Variants in TRDN observed in about 807,000 individuals in gnomAD.
The protein encoded by TRDN is triadin.
A neutral mutation model predicts 149.7 loss-of-function variants in TRDN; 161 were observed. The observed-to-expected ratio is 1.08, with a 90% confidence interval of 0.95 to 1.23. The LOEUF (loss-of-function observed/expected upper bound fraction) is 1.23, where lower values mean the gene tolerates loss of function less well. TRDN is among the 50% of genes most tolerant of loss of function. TRDN has a pLI of 0.00. For synonymous variants in TRDN, 294 were observed against 250.5 expected, an observed-to-expected ratio of 1.17 and a Z score of -1.64; for missense variants, 896 against 823.5, an observed-to-expected ratio of 1.09 and a Z score of -1.08.
intron 4 of TRDN, among the ~76,000 whole-genome samples, chr6:123,531,713 G>C (rs1473668311): frequency 1.3e-5 from 2 of 151,992 alleles, no homozygotes; most frequent in East Asian, 3.9e-4. Context: ...CAAAATGTAA[G>C]GAAATATCTC....
intron 38 of TRDN, among the ~76,000 whole-genome samples, chr6:123,224,621 T>A (rs1465074379): frequency 6.6e-6 from 1 of 151,756 alleles, no homozygotes; most frequent in African/African-American, 2.4e-5. Flanking sequence ...ATGAGTCAAC[T>A]AATCTTTGAA....
At chr6:123,280,613 T>A (rs531004885) in intron 24 of TRDN, among the ~76,000 whole-genome samples, 98 of 151,316 alleles carry the variant, frequency 6.5e-4, no homozygotes, top group Middle Eastern at 6.9e-3. Context: ...CAGGGTTTAG[T>A]CCCCTCACTA....
At chr6:123,253,048 C>T (rs2114571987) in intron 37 of TRDN, among the ~76,000 whole-genome samples, 1 of 151,818 alleles carries the variant, frequency 6.6e-6, no homozygotes, top group East Asian at 1.9e-4. Context: ...ATTTTTCTTT[C>T]AAAGATAGAT....
intron 12 of TRDN, among the ~76,000 whole-genome samples, chr6:123,416,814 G>A (rs766982315): frequency 7.9e-5 from 12 of 151,454 alleles, no homozygotes; most frequent in African/African-American, 1.2e-4. Context: ...CGATTCTCTC[G>A]CCTCAGTTTC....
chr6:123,236,169 T>G (rs146810527), intron 38 of TRDN, among the ~76,000 whole-genome samples: 1 of 152,134 alleles, frequency 6.6e-6, no homozygotes, highest in South Asian at 2.1e-4. Flanking sequence ...CCAGCACTTG[T>G]TTTTGTTTTT....
chr6:123,529,185 T>C (rs1460001877), intron 5 of TRDN: 3 of 1,546,464 alleles, frequency 1.9e-6, no homozygotes, highest in Non-Finnish European at 2.6e-6. Flanking sequence ...GGGACCCAAA[T>C]GGTGTGGAAC....
chr6:123,497,000 G>C (rs552068761), intron 9 of TRDN, among the ~76,000 whole-genome samples, 193 bp downstream of exon 9: 4 of 151,886 alleles, frequency 2.6e-5, no homozygotes, highest in African/African-American at 9.7e-5. Flanking sequence ...ATTTGCAATA[G>C]GCCATGCAGT....
At chr6:123,491,478 T>G (rs1233802461) in intron 9 of TRDN, among the ~76,000 whole-genome samples, 1 of 152,166 alleles carries the variant, frequency 6.6e-6, no homozygotes, top group Non-Finnish European at 1.5e-5. Flanking sequence ...ATATTTAAAT[T>G]CTTATCAAAA....
chr6:123,385,821 T>A (rs1202407240), intron 14 of TRDN, among the ~76,000 whole-genome samples: 2 of 152,156 alleles, frequency 1.3e-5, no homozygotes, highest in East Asian at 1.9e-4. Context: ...AAAATCTACC[T>A]GGATCTGCTC....
At chr6:123,374,372 A>G (rs1781430173) in intron 19 of TRDN, among the ~76,000 whole-genome samples, 1 of 152,180 alleles carries the variant, frequency 6.6e-6, no homozygotes. Context: ...CTACAAAATT[A>G]TCAGATTTGT....
chr6:123,221,418 C>T (rs1582734527), intron 40 of TRDN, 69 bp downstream of exon 40: 7 of 1,206,570 alleles, frequency 5.8e-6, no homozygotes, highest in Non-Finnish European at 8.0e-6. Context: ...GAGAGTCTAA[C>T]ATTTTTACAT....
chr6:123,254,672 T>C (rs1292423823), intron 37 of TRDN, among the ~76,000 whole-genome samples: 1 of 152,006 alleles, frequency 6.6e-6, no homozygotes, highest in Admixed American at 6.6e-5. Context: ...GTTGAATTAA[T>C]TTAAAGGTCT....
At chr6:123,623,515 G>C (rs1393583369) in intron 1 of TRDN, among the ~76,000 whole-genome samples, 1 of 151,972 alleles carries the variant, frequency 6.6e-6, no homozygotes, top group Non-Finnish European at 1.5e-5. Context: ...GCAATCTTTA[G>C]GGAAGATCGT....
intron 8 of TRDN, chr6:123,503,485 C>T: frequency 1.0e-6 from 1 of 985,070 alleles, no homozygotes; most frequent in Non-Finnish European, 1.2e-6. Flanking sequence ...CTCCAAACCC[C>T]TTTTAAAAAT....
chr6:123,532,786 G>T (rs962459643), intron 4 of TRDN, among the ~76,000 whole-genome samples: 1 of 126,720 alleles, frequency 7.9e-6, no homozygotes, highest in Admixed American at 7.4e-5. Flanking sequence ...TTTAAATGTG[G>T]CTACTAGAAA....
At chr6:123,519,862 C>T (rs375758643) in intron 5 of TRDN, among the ~76,000 whole-genome samples, 3 of 152,124 alleles carry the variant, frequency 2.0e-5, no homozygotes, top group Non-Finnish European at 2.9e-5. Flanking sequence ...CTCATTTTCA[C>T]ATTTCTTGTG....
At chr6:123,243,472 A>T (rs935182106) in intron 38 of TRDN, among the ~76,000 whole-genome samples, 1 of 152,210 alleles carries the variant, frequency 6.6e-6, no homozygotes, top group Non-Finnish European at 1.5e-5. Context: ...CAATCAAAAT[A>T]CTGATTTCAA....
At chr6:123,572,864 G>A (rs1782653925) in intron 1 of TRDN, among the ~76,000 whole-genome samples, 2 of 151,904 alleles carry the variant, frequency 1.3e-5, no homozygotes, top group Non-Finnish European at 2.9e-5. Flanking sequence ...TCTATGTGAT[G>A]GATACATAAG....
At chr6:123,439,107 G>C (rs1377999977) in intron 10 of TRDN, 104 bp from the exon 11 acceptor site, 3 of 795,226 alleles carry the variant, frequency 3.8e-6, no homozygotes, top group Non-Finnish European at 4.0e-6. Context: ...CCTCCAGCTA[G>C]CTTTGTGACT....
Sources: allele counts gnomAD v4.1 joint callset (sites outside exome capture counted in the v4.1 genomes callset), GRCh38; gene constraint gnomAD v4.1.1; transcripts MANE v1.5; gene names NCBI Gene and HGNC (gene_info 2026-07-23, HGNC 2026-07-21).